LRRC7: variants seen among roughly 807,000 people sequenced by gnomAD.
LRRC7 encodes leucine rich repeat containing 7.
LRRC7 carries 23 observed loss-of-function variants against 175.7 expected under a neutral mutation model. That is an observed-to-expected ratio of 0.13 (90% CI 0.09 to 0.19). The LOEUF is 0.19. Among genes scored for constraint, LRRC7 ranks in the 10% least tolerant of loss-of-function variants. LRRC7 has a pLI of 1.00. For missense variants in LRRC7, 1,354 were observed against 1,904.7 expected (o/e 0.71, Z 5.38); for synonymous variants, 685 against 680.9 (o/e 1.01, Z -0.09).
chr1:69,828,269 C>T (rs539799681), intron 5 of LRRC7, among the ~76,000 whole-genome samples: 1 of 152,110 alleles, frequency 6.6e-6, no homozygotes, highest in East Asian at 1.9e-4. Flanking sequence ...CATATATTTT[C>T]ATTTCTATTG....
chr1:69,909,009 C>CTTTACCA (rs921283020), intron 7 of LRRC7, among the ~76,000 whole-genome samples: 12 of 151,662 alleles, frequency 7.9e-5, no homozygotes, highest in African/African-American at 2.9e-4. Flanking sequence ...GAATTGATCC[C>CTTTACCA]TTTACCATTA....
At chr1:70,036,264 C>A in intron 19 of LRRC7, 32 bp downstream of exon 19, 1 of 1,551,098 alleles carries the variant, frequency 6.4e-7, no homozygotes. Context: ...GGAAAATATG[C>A]TACAAATGCA....
At chr1:69,687,528 A>AG (rs1661317483) in intron 2 of LRRC7, among the ~76,000 whole-genome samples, 2 of 143,098 alleles carry the variant, frequency 1.4e-5, no homozygotes, top group Non-Finnish European at 3.0e-5. Context: ...ACCAAAAAAA[A>AG]AAAAAAAAAA....
At chr1:69,781,913 G>GAAGAAAGAAAGAAA (rs1673772391) in intron 3 of LRRC7, among the ~76,000 whole-genome samples, 2 of 68,032 alleles carry the variant, frequency 2.9e-5, no homozygotes, top group Admixed American at 1.5e-4. Context: ...GAAAGAAAAA[G>GAAGAAAGAAAGAAA]AAGAAAGAAA....
At chr1:70,048,101 A>T (rs925404330) in intron 22 of LRRC7, among the ~76,000 whole-genome samples, 1 of 152,016 alleles carries the variant, frequency 6.6e-6, no homozygotes, top group African/African-American at 2.4e-5. Context: ...TTTATTTGTA[A>T]TTAAGCTTAG....
At chr1:69,582,567 C>G (rs1346862753) in intron 1 of LRRC7, among the ~76,000 whole-genome samples, 4 of 152,212 alleles carry the variant, frequency 2.6e-5, no homozygotes, top group African/African-American at 9.6e-5. Flanking sequence ...CATAACCAAG[C>G]CTGGCATGGC....
In LRRC7 at chr1:69,882,507, A is replaced by G. The variant is rs561046795; in HGVS notation, c.647+44224A>G. Among the ~76,000 whole-genome samples the G allele has an allele frequency of 4.6e-5, 7 of 152,338 alleles. No homozygotes were observed. In the South Asian group the frequency reaches 1.0e-3, roughly 23 times the overall value. On this transcript the variant is annotated intron_variant, in intron 7 of 26. Transcript: ENST00000651989. ...TAAAGAAATTGCATTATATATGTACATACCTACACACACAAATATAAACAC... is the reference window on the plus strand; with the variant it reads ...TAAAGAAATTGCATTATATATGTACGTACCTACACACACAAATATAAACAC...
At chr1:69,652,739 G>A (rs986120145) in intron 1 of LRRC7, among the ~76,000 whole-genome samples, 3 of 151,808 alleles carry the variant, frequency 2.0e-5, no homozygotes, top group East Asian at 1.9e-4. Flanking sequence ...GCTTCACATC[G>A]CTTGATTTCA....
chr1:69,678,173 A>AT (rs1468707233), intron 1 of LRRC7, among the ~76,000 whole-genome samples: 4 of 151,766 alleles, frequency 2.6e-5, no homozygotes, highest in Admixed American at 1.3e-4. Flanking sequence ...GGTGTTTTTA[A>AT]TTTTTTTTAA....
chr1:69,609,548 G>A (rs1648362737), intron 1 of LRRC7, among the ~76,000 whole-genome samples: 2 of 152,082 alleles, frequency 1.3e-5, no homozygotes, highest in South Asian at 4.2e-4. Context: ...TTGTTAATAT[G>A]TGTACTATTA....
intron 2 of LRRC7, among the ~76,000 whole-genome samples, chr1:69,708,951 T>C (rs1664408056): frequency 6.6e-6 from 1 of 152,196 alleles, no homozygotes; most frequent in Admixed American, 6.5e-5. Context: ...CCAACATCAC[T>C]GGTATATTCC....
At chr1:69,862,513 A>T (rs1236389946) in intron 7 of LRRC7, among the ~76,000 whole-genome samples, 1 of 152,204 alleles carries the variant, frequency 6.6e-6, no homozygotes, top group Non-Finnish European at 1.5e-5. Context: ...AAGAACTAAC[A>T]GTCATGTTCC....
chr1:69,785,046 T>C (rs926091558), intron 3 of LRRC7, among the ~76,000 whole-genome samples: 1 of 152,158 alleles, frequency 6.6e-6, no homozygotes, highest in Non-Finnish European at 1.5e-5. Flanking sequence ...CAGTGTTCTA[T>C]ATGTGTCCTG....
At chr1:70,083,175 A>G (rs1663355522) in intron 24 of LRRC7, among the ~76,000 whole-genome samples, 1 of 152,152 alleles carries the variant, frequency 6.6e-6, no homozygotes, top group African/African-American at 2.4e-5. Flanking sequence ...AATATAGAAG[A>G]ATTTGTATTT....
At chr1:69,696,371 T>A (rs932589843) in intron 2 of LRRC7, among the ~76,000 whole-genome samples, 3 of 152,240 alleles carry the variant, frequency 2.0e-5, no homozygotes, top group Non-Finnish European at 2.9e-5. Context: ...CCAATGCCTA[T>A]ACCACCATTA....
chr1:69,808,307 A>G (rs1677379888), intron 4 of LRRC7, among the ~76,000 whole-genome samples: 1 of 152,030 alleles, frequency 6.6e-6, no homozygotes, highest in Admixed American at 6.6e-5. Context: ...CTACACAATA[A>G]TAGGGAGAGA....
chr1:69,832,096 G>A (rs929121941), intron 5 of LRRC7, among the ~76,000 whole-genome samples: 11 of 152,024 alleles, frequency 7.2e-5, no homozygotes, highest in Admixed American at 5.9e-4. Context: ...ATACAGCAGT[G>A]TATTTGGGAG....
At chr1:69,959,946 TTTG>T (rs899601487) in intron 8 of LRRC7, among the ~76,000 whole-genome samples, 2 of 152,038 alleles carry the variant, frequency 1.3e-5, no homozygotes, top group Admixed American at 6.6e-5. Context: ...GCCTGAAGTT[TTTG>T]TTGTTGTTGT....
chr1:69,593,260 C>T (rs754509911), intron 1 of LRRC7, among the ~76,000 whole-genome samples: 2 of 151,960 alleles, frequency 1.3e-5, no homozygotes, highest in Non-Finnish European at 2.9e-5. Context: ...AAGTCATAAG[C>T]AAATTCGTGA....
Sources: allele counts gnomAD v4.1 joint callset (sites outside exome capture counted in the v4.1 genomes callset), GRCh38; gene constraint gnomAD v4.1.1; transcripts MANE v1.5; gene names NCBI Gene and HGNC (gene_info 2026-07-23, HGNC 2026-07-21).